Variants in PCDHA5 observed in about 807,000 individuals in gnomAD.
PCDHA5 encodes the protein protocadherin alpha-5.
A neutral mutation model predicts 61.6 loss-of-function variants in PCDHA5; 43 were observed. That is an observed-to-expected ratio of 0.70 (90% CI 0.55 to 0.90). The LOEUF (loss-of-function observed/expected upper bound fraction) is 0.90. PCDHA5 is among the 40% of genes least tolerant of loss of function. The pLI is 0.00. For synonymous variants in PCDHA5, 627 were observed against 543.9 expected (o/e 1.15, Z -2.13); for missense variants, 1,298 against 1,222.7 (o/e 1.06, Z -0.92).
intron 1 of PCDHA5, among the ~76,000 whole-genome samples, chr5:140,938,925 CT>C (rs1316558463): frequency 2.0e-5 from 3 of 151,992 alleles, no homozygotes; most frequent in African/African-American, 7.2e-5. Flanking sequence ...AAGAAATTGG[CT>C]TTTAACTTTC....
chr5:140,928,571 C>T (rs369670852), intron 1 of PCDHA5: 1 of 1,614,180 alleles, frequency 6.2e-7, no homozygotes, highest in East Asian at 2.2e-5. Context: ...TTTCCCTTGC[C>T]CAGAAATGGT....
chr5:140,946,631 T>TATATAGATATATATATATATATATACAC (rs57893927), intron 1 of PCDHA5, among the ~76,000 whole-genome samples: 1 of 131,846 alleles, frequency 7.6e-6, no homozygotes, highest in African/African-American at 3.5e-5. Flanking sequence ...TATATATATA[T>TATATAGATATATATATATATATATACAC]ACAATGGAAT....
At chr5:140,962,747 G>A (rs1385433172) in intron 1 of PCDHA5, among the ~76,000 whole-genome samples, 1 of 152,142 alleles carries the variant, frequency 6.6e-6, no homozygotes, top group Non-Finnish European at 1.5e-5. Flanking sequence ...ATGAAGATCA[G>A]GAATCCTATT....
intron 1 of PCDHA5, chr5:140,882,266 A>G (rs1471101520): frequency 6.2e-7 from 1 of 1,610,426 alleles, no homozygotes; most frequent in South Asian, 1.1e-5. Flanking sequence ...TTTGGAGTGT[A>G]CCATGCTGTC....
At chr5:140,831,893 T>C (rs1326674462) in intron 1 of PCDHA5, among the ~76,000 whole-genome samples, 2 of 152,204 alleles carry the variant, frequency 1.3e-5, no homozygotes, top group African/African-American at 4.8e-5. Flanking sequence ...TAACTGTGTT[T>C]GCCAAATAGC....
At chr5:140,919,945 A>G (rs1456572905) in intron 1 of PCDHA5, among the ~76,000 whole-genome samples, 1 of 151,572 alleles carries the variant, frequency 6.6e-6, no homozygotes, top group Non-Finnish European at 1.5e-5. Flanking sequence ...ATTCCAGTGA[A>G]AAGTTTGTTT....
chr5:140,835,972 T>G (rs2150249264), intron 1 of PCDHA5: 2 of 1,613,340 alleles, frequency 1.2e-6, no homozygotes, highest in South Asian at 2.2e-5. Context: ...GAGCTGGAGC[T>G]GTTGCAGTTC....
intron 1 of PCDHA5, chr5:140,828,480 C>A (rs2150155804): frequency 6.2e-7 from 1 of 1,614,198 alleles, no homozygotes; most frequent in African/African-American, 1.3e-5. Context: ...AACGACAACC[C>A]GCCCTTGTTC....
At position 140,872,763 on chromosome 5, in the gene PCDHA5, G is replaced by T. The variant is rs560485194; in HGVS notation, c.2352+48636G>T. The stretch of plus-strand genomic sequence containing the variant: ...AACTTGCTAAAGACATGCATATAGG[G>T]CTATATTATCTATAATATATGCTAG... On this transcript the variant is annotated intron_variant, in intron 1 of 3. Transcript: ENST00000529859. Among the ~76,000 whole-genome samples, 293 of 152,126 alleles carry T rather than the reference G, an allele frequency of 1.9e-3. 2 individuals are homozygous for T. The highest frequency in any genetic ancestry group is 3.6e-3 in the Non-Finnish European group (245 of 67,974).
At chr5:140,885,124 T>C (rs1019759458) in intron 1 of PCDHA5, among the ~76,000 whole-genome samples, 35 of 152,216 alleles carry the variant, frequency 2.3e-4, no homozygotes, top group African/African-American at 8.2e-4. Flanking sequence ...TGCACTTTTC[T>C]TTCTTTCTTT....
At position 140,821,709 on chromosome 5, in the gene PCDHA5, G is replaced by A; in HGVS notation, c.-67G>A. The A allele has an allele frequency of 6.9e-7, 1 of 1,452,026 alleles. No homozygotes were observed. Among genetic ancestry groups the A allele is most frequent in the African/African-American group, 1.4e-5 (1 of 70,348 alleles). 89.9% of individuals were successfully genotyped at this position (1,452,026 alleles called of 1,614,324 possible). On this transcript the variant is annotated 5_prime_UTR_variant, in exon 1 of 4. Coordinates refer to ENST00000529859, the MANE Select transcript of PCDHA5 (RefSeq NM_018908.3). ...ATATAAAAAATATATAGTTAATTGG[G>A]AATTGAATTTACAAAATACATTGTG...
intron 1 of PCDHA5, among the ~76,000 whole-genome samples, chr5:140,970,048 G>T (rs561588022): frequency 6.6e-6 from 1 of 152,296 alleles, no homozygotes; most frequent in African/African-American, 2.4e-5. Flanking sequence ...TTGTCTGGTT[G>T]GTCCAGGGAG....
chr5:140,823,894 T>G lies in PCDHA5; in HGVS notation c.2119T>G (p.Ser707Ala). ...VYLIIAICAV[S>A]SLLVLTLLLY... The stretch of plus-strand genomic sequence containing the variant: ...CCTGATCATCGCCATCTGTGCGGTG[T>G]CCAGCCTGCTGGTGCTCACGCTGCT... The change falls in exon 1 of 4, where the codon TCC becomes GCC. Residue 707 changes from serine (S) to alanine (A), a missense_variant. Transcript: ENST00000529859. 6.2e-7 allele frequency: 1 copy of G among 1,613,928 alleles called. No homozygotes were observed. Among genetic ancestry groups the G allele is most frequent in the Non-Finnish European group, 8.5e-7 (1 of 1,179,936 alleles).
At chr5:140,925,665 A>C (rs2082643258) in intron 1 of PCDHA5, among the ~76,000 whole-genome samples, 1 of 149,266 alleles carries the variant, frequency 6.7e-6, no homozygotes, top group Non-Finnish European at 1.5e-5. Flanking sequence ...TAATAATAAT[A>C]ATAATAATAA....
Position 140,965,675 on chromosome 5 carries a change from A to C in PCDHA5, c.2353-13274A>C, listed in dbSNP as rs1049081993. 1.3e-4 allele frequency among the ~76,000 whole-genome samples: 20 copies of C among 152,350 alleles called. No homozygotes were observed. The Middle Eastern group carries it at 0.01, about 78-fold the overall frequency. ...AAATGTCTTGGGTGATAAATGTAAA[A>C]GATTTGAAGCAAGATTAGAAAAAGC... On this transcript the variant is annotated intron_variant, in intron 1 of 3. Transcript: ENST00000529859.
At chr5:140,882,814 A>T in intron 1 of PCDHA5, 1 of 1,614,248 alleles carries the variant, frequency 6.2e-7, no homozygotes, top group East Asian at 2.2e-5. Context: ...CTTTGGACGC[A>T]CAAAACAGTC....
chr5:140,891,133 A>AAAGGT (rs1241650823), intron 1 of PCDHA5, among the ~76,000 whole-genome samples: 2 of 152,106 alleles, frequency 1.3e-5, no homozygotes, highest in Non-Finnish European at 1.5e-5. Context: ...TCATTCCTTT[A>AAAGGT]AAGGTATTCT....
chr5:140,884,244 T>C, intron 1 of PCDHA5: 1 of 1,613,386 alleles, frequency 6.2e-7, no homozygotes, highest in Non-Finnish European at 8.5e-7. Flanking sequence ...GAGCCCGCGC[T>C]GACGGCCACG....
In PCDHA5 at chr5:140,868,951, A is replaced by G; in HGVS notation, c.2352+44824A>G. On this transcript the variant is annotated intron_variant, in intron 1 of 3. Transcript: ENST00000529859. ...TAAAGGTTGGTCTGAACAGTGAGGC[A>G]CTCCCATACAAAGGAACTCCATCAT... 4.5e-6 allele frequency: 6 copies of G among 1,321,586 alleles called. No individual in the cohort carries two copies. The South Asian group carries it at 7.6e-5, about 17-fold the overall frequency. The allele number at this position is 1,321,586 out of a possible 1,614,324, so 81.9% of individuals were successfully genotyped here. A position where few individuals can be genotyped will look rare whatever the true frequency, so the allele number is the denominator to read the frequency against.
Sources: allele counts gnomAD v4.1 joint callset (sites outside exome capture counted in the v4.1 genomes callset), GRCh38; gene constraint gnomAD v4.1.1; transcripts MANE v1.5; gene names NCBI Gene and HGNC (gene_info 2026-07-23, HGNC 2026-07-21).